Variants in NRXN1 observed in about 807,000 individuals in gnomAD.
The protein encoded by NRXN1 is neurexin-1.
A neutral mutation model predicts 150.9 loss-of-function variants in NRXN1; 39 were observed. That is an observed-to-expected ratio of 0.26 (90% CI 0.20 to 0.34). The LOEUF (loss-of-function observed/expected upper bound fraction) is 0.34. Ranked by LOEUF, NRXN1 falls within the 10% of genes least tolerant of loss-of-function variation. The pLI is 1.00. For missense variants in NRXN1, 1,815 were observed against 1,949.9 expected (o/e 0.93, Z 1.30); for synonymous variants, 924 against 757.0 (o/e 1.22, Z -3.62).
At chr2:50,531,126 T>C (rs2093090569) in intron 11 of NRXN1, 101 bp downstream of exon 11, 10 of 924,396 alleles carry the variant, frequency 1.1e-5, no homozygotes, top group Admixed American at 6.9e-5. Flanking sequence ...CATTAAGTGT[T>C]TTAATTTTCC....
intron 21 of NRXN1, among the ~76,000 whole-genome samples, chr2:49,951,124 C>T (rs1413282041): frequency 6.6e-6 from 1 of 151,934 alleles, no homozygotes; most frequent in East Asian, 1.9e-4. Flanking sequence ...ACATTTGATA[C>T]TGGTTCTCCT....
chr2:50,676,464 TCTC>T (rs1574063784), intron 5 of NRXN1, among the ~76,000 whole-genome samples: 1 of 152,266 alleles, frequency 6.6e-6, no homozygotes, highest in East Asian at 1.9e-4. Flanking sequence ...GATTTTCATT[TCTC>T]CTCCATACTA....
chr2:50,481,561 T>G (rs185182704), intron 15 of NRXN1, among the ~76,000 whole-genome samples: 26 of 152,260 alleles, frequency 1.7e-4, no homozygotes, highest in Non-Finnish European at 2.8e-4. Flanking sequence ...CACAAAGAGA[T>G]AAATCAGACA....
At chr2:50,184,893 C>T (rs1381722085) in intron 18 of NRXN1, among the ~76,000 whole-genome samples, 1 of 152,060 alleles carries the variant, frequency 6.6e-6, no homozygotes, top group African/African-American at 2.4e-5. Context: ...TGGCCAAGGT[C>T]CCATAGCTAG....
chr2:50,039,050 G>T (rs967562260), intron 21 of NRXN1, among the ~76,000 whole-genome samples: 3 of 151,990 alleles, frequency 2.0e-5, no homozygotes, highest in African/African-American at 7.2e-5. Flanking sequence ...GGTGGCGGGT[G>T]CCTGTAGTCC....
intron 21 of NRXN1, among the ~76,000 whole-genome samples, chr2:49,988,423 T>C (rs145768612): frequency 1.3e-5 from 2 of 151,840 alleles, no homozygotes; most frequent in Admixed American, 6.6e-5. Context: ...CAGATCTGAG[T>C]TGACTCTTCC....
At position 50,608,940 on chromosome 2, in the gene NRXN1, G is replaced by T. The variant is rs796851511; in HGVS notation, c.1320+11082C>A. ...ATTCCCAATTCAGTTCCTTTACAAG[G>T]TACCCATATTTAAAAAAAAATCCAG... On this transcript the variant is annotated intron_variant, in intron 8 of 22. Coordinates refer to ENST00000401669, the MANE Select transcript of NRXN1 (RefSeq NM_001330078.2). 2.6e-5 allele frequency among the ~76,000 whole-genome samples: 4 copies of T among 151,894 alleles called. 1 individual carries two copies. The highest frequency in any genetic ancestry group is 9.7e-5 in the African/African-American group (4 of 41,438).
chr2:50,165,515 A>G (rs565414766), intron 18 of NRXN1, among the ~76,000 whole-genome samples: 2 of 152,174 alleles, frequency 1.3e-5, no homozygotes, highest in South Asian at 2.1e-4. Context: ...CGTCTGGCTA[A>G]CTTTTGTATT....
intron 5 of NRXN1, among the ~76,000 whole-genome samples, chr2:50,879,024 G>T (rs918242552): frequency 5.3e-5 from 8 of 151,882 alleles, no homozygotes; most frequent in African/African-American, 1.7e-4. Context: ...GTCAAACACT[G>T]GTCTAGATGT....
intron 5 of NRXN1, among the ~76,000 whole-genome samples, chr2:50,828,320 G>A (rs1670813417): frequency 1.4e-5 from 2 of 147,342 alleles, no homozygotes; most frequent in African/African-American, 2.5e-5. Flanking sequence ...CCGGGAGGGG[G>A]CTGAACCCCC....
intron 17 of NRXN1, among the ~76,000 whole-genome samples, chr2:50,450,573 C>G (rs913220814): frequency 6.6e-6 from 1 of 152,130 alleles, no homozygotes; most frequent in Non-Finnish European, 1.5e-5. Context: ...AGTAACTGCT[C>G]AATTAATAAT....
intron 2 of NRXN1, among the ~76,000 whole-genome samples, chr2:50,931,876 T>TC (rs1195319581): frequency 6.6e-6 from 1 of 151,960 alleles, no homozygotes; most frequent in East Asian, 2.0e-4. Flanking sequence ...ATTTTTTTTT[T>TC]CTGGAGATGG....
At chr2:50,036,531 CT>C (rs1328490155) in intron 21 of NRXN1, among the ~76,000 whole-genome samples, 1 of 152,098 alleles carries the variant, frequency 6.6e-6, no homozygotes, top group Admixed American at 6.6e-5. Context: ...TGATTTTTAG[CT>C]GTTTGTTTGA....
chr2:50,443,291 T>C (rs960398194), intron 17 of NRXN1, among the ~76,000 whole-genome samples: 4 of 152,156 alleles, frequency 2.6e-5, no homozygotes, highest in African/African-American at 7.2e-5. Flanking sequence ...AGTTCCAAAA[T>C]ACAGTATATG....
At chr2:50,847,956 G>C (rs186370164) in intron 5 of NRXN1, among the ~76,000 whole-genome samples, 2 of 152,214 alleles carry the variant, frequency 1.3e-5, no homozygotes, top group Admixed American at 6.5e-5. Context: ...CATTCTCCTA[G>C]CCCACATATG....
chr2:50,328,964 G>T (rs1006554110), intron 17 of NRXN1, among the ~76,000 whole-genome samples: 18 of 152,054 alleles, frequency 1.2e-4, no homozygotes, highest in African/African-American at 4.3e-4. Flanking sequence ...CCCCCTGCCT[G>T]TGGAAATATA....
chr2:50,737,302 T>C (rs1383557580), intron 5 of NRXN1, among the ~76,000 whole-genome samples: 2 of 152,150 alleles, frequency 1.3e-5, no homozygotes, highest in African/African-American at 2.4e-5. Context: ...AAGGTCAGTG[T>C]TTGAAAATTA....
chr2:50,203,967 C>T lies in NRXN1; in HGVS notation c.3546+32822G>A, dbSNP rs138197880. Among the ~76,000 whole-genome samples the T allele has an allele frequency of 1.4e-3, 215 of 152,136 alleles. 1 individual carries two copies. The highest frequency in any genetic ancestry group is 5.0e-3 in the African/African-American group (206 of 41,528). Reference sequence around the variant, plus strand: ...ATCCAAATCTGAGAGAAAAATTTAACGCCAATACTGTGTAAATATTTCACA... The same window carrying T: ...ATCCAAATCTGAGAGAAAAATTTAATGCCAATACTGTGTAAATATTTCACA... On this transcript the variant is annotated intron_variant, in intron 18 of 22. Coordinates refer to ENST00000401669, the MANE Select transcript of NRXN1 (RefSeq NM_001330078.2).
chr2:50,623,954 C>T (rs766257608), intron 5 of NRXN1, among the ~76,000 whole-genome samples: 3 of 151,996 alleles, frequency 2.0e-5, no homozygotes, highest in Non-Finnish European at 4.4e-5. Context: ...CACAACAGTC[C>T]CCGGTGTGTG....
Sources: gnomAD v4.1 joint callset for allele counts (sites outside exome capture counted in the v4.1 genomes callset) on GRCh38, gnomAD v4.1.1 for gene constraint, MANE v1.5 for transcripts, NCBI Gene and HGNC (gene_info 2026-07-23, HGNC 2026-07-21) for gene names.